The following AKAP7 variants were observed in gnomAD, a reference collection of about 807,000 sequenced individuals.
AKAP7 encodes A kinase (PRKA) anchor protein 7.
Under a neutral mutation model 39.5 loss-of-function variants are expected in AKAP7, and 39 were observed. That is an observed-to-expected ratio of 0.99 (90% CI 0.76 to 1.29). The LOEUF is 1.29. Ranked by LOEUF, AKAP7 falls within the 50% of genes most tolerant of loss-of-function variation. The probability of loss-of-function intolerance (pLI) is 0.00; values close to 1 mark genes in which losing one functional copy is unlikely to be tolerated. For missense variants in AKAP7, 414 were observed against 407.7 expected (o/e 1.02, Z -0.13); for synonymous variants, 140 against 139.1 (o/e 1.01, Z -0.05).
chr6:131,213,017 G>A (rs1172407216), intron 6 of AKAP7, among the ~76,000 whole-genome samples: 1 of 152,118 alleles, frequency 6.6e-6, no homozygotes, highest in Non-Finnish European at 1.5e-5. Context: ...CATTTGAATG[G>A]TATCTGAGGT....
At chr6:131,145,986 G>C (rs1037085468) in intron 2 of AKAP7, among the ~76,000 whole-genome samples, 1 of 152,160 alleles carries the variant, frequency 6.6e-6, no homozygotes, top group Admixed American at 6.5e-5. Context: ...TGTTGAGCCA[G>C]CTACTTCTGA....
At chr6:131,160,297 T>A in intron 3 of AKAP7, 99 bp downstream of exon 3, 1 of 1,235,854 alleles carries the variant, frequency 8.1e-7, no homozygotes, top group Non-Finnish European at 1.1e-6. Context: ...CTTTTAAGAG[T>A]ATTTGGTGGC....
chr6:131,199,654 C>T (rs1178752484), intron 6 of AKAP7, 81 bp downstream of exon 6: 4 of 1,124,532 alleles, frequency 3.6e-6, no homozygotes, highest in Non-Finnish European at 5.3e-6. Flanking sequence ...AGTGACATTG[C>T]TGTGGTCTCT....
At chr6:131,235,843 C>T (rs1420051175) in intron 7 of AKAP7, among the ~76,000 whole-genome samples, 1 of 152,104 alleles carries the variant, frequency 6.6e-6, no homozygotes, top group Admixed American at 6.5e-5. Flanking sequence ...CAAAAATTTT[C>T]TCCCATTCTG....
chr6:131,276,288 G>C (rs1814734641), intron 7 of AKAP7, among the ~76,000 whole-genome samples: 1 of 152,066 alleles, frequency 6.6e-6, no homozygotes. Flanking sequence ...GTGAGTTTTG[G>C]TTTTTGGCAA....
At chr6:131,266,013 C>G (rs1813769073) in intron 7 of AKAP7, among the ~76,000 whole-genome samples, 1 of 152,240 alleles carries the variant, frequency 6.6e-6, no homozygotes, top group South Asian at 2.1e-4. Context: ...GAGCAGGACA[C>G]TAGATCTTGG....
chr6:131,209,031 T>C (rs1037767983), intron 6 of AKAP7, among the ~76,000 whole-genome samples: 25 of 152,098 alleles, frequency 1.6e-4, no homozygotes, highest in South Asian at 2.1e-4. Flanking sequence ...GGGCAGAAAA[T>C]ATTTTGAACA....
intron 5 of AKAP7, among the ~76,000 whole-genome samples, chr6:131,195,605 T>C (rs1230846628): frequency 6.6e-6 from 1 of 152,212 alleles, no homozygotes; most frequent in Non-Finnish European, 1.5e-5. Flanking sequence ...AAACTCTCTT[T>C]AGCATTTCTT....
At chr6:131,209,802 A>C (rs1808482359) in intron 6 of AKAP7, among the ~76,000 whole-genome samples, 1 of 152,228 alleles carries the variant, frequency 6.6e-6, no homozygotes, top group South Asian at 2.1e-4. Flanking sequence ...AAAGTGGAAC[A>C]TCATGAAAAT....
intron 1 of AKAP7, 129 bp from the exon 2 acceptor site, chr6:131,145,156 C>A: frequency 1.8e-6 from 1 of 549,398 alleles, no homozygotes; most frequent in Non-Finnish European, 2.7e-6. Flanking sequence ...TATTTGAACA[C>A]AAGTAGTACA....
At chr6:131,222,307 TAAGGTC>T (rs1809771957) in intron 7 of AKAP7, among the ~76,000 whole-genome samples, 1 of 152,052 alleles carries the variant, frequency 6.6e-6, no homozygotes, top group Non-Finnish European at 1.5e-5. Context: ...GGGCGGATCA[TAAGGTC>T]AGGAGATCGA....
At chr6:131,230,125 C>G (rs1442896342) in intron 7 of AKAP7, among the ~76,000 whole-genome samples, 2 of 152,206 alleles carry the variant, frequency 1.3e-5, no homozygotes, top group Non-Finnish European at 2.9e-5. Flanking sequence ...AATGGGATTT[C>G]TGGGTTGAAT....
chr6:131,265,701 TTATGG>T (rs1229381118), intron 7 of AKAP7, among the ~76,000 whole-genome samples: 1 of 152,216 alleles, frequency 6.6e-6, no homozygotes, highest in East Asian at 1.9e-4. Context: ...TGGAACAGCA[TTATGG>T]TATAATGGCA....
chr6:131,247,555 C>T (rs1479732002), intron 7 of AKAP7, among the ~76,000 whole-genome samples: 3 of 151,436 alleles, frequency 2.0e-5, no homozygotes, highest in East Asian at 3.9e-4. Flanking sequence ...CTCCTGATCT[C>T]GTGATCCACC....
intron 1 of AKAP7, among the ~76,000 whole-genome samples, chr6:131,141,608 A>C (rs1032905619): frequency 6.6e-6 from 1 of 152,166 alleles, no homozygotes. Flanking sequence ...GGGTTAGAAG[A>C]GTTTGGAGGG....
intron 5 of AKAP7, among the ~76,000 whole-genome samples, chr6:131,186,865 T>G (rs185984195): frequency 1.1e-4 from 16 of 152,308 alleles, no homozygotes; most frequent in African/African-American, 3.4e-4. Context: ...TACCTTTACC[T>G]TGGGGATTAG....
At chr6:131,165,352 T>C in intron 4 of AKAP7, 135 bp downstream of exon 4, 1 of 612,868 alleles carries the variant, frequency 1.6e-6, no homozygotes, top group Non-Finnish European at 2.8e-6. Context: ...TAATAGTTAA[T>C]ATACAGAATA....
At chr6:131,219,301 A>C (rs1394159710) in intron 6 of AKAP7, among the ~76,000 whole-genome samples, 2 of 151,994 alleles carry the variant, frequency 1.3e-5, no homozygotes, top group Non-Finnish European at 2.9e-5. Context: ...AAAAAAAAAA[A>C]AAAAAAATTA....
intron 7 of AKAP7, among the ~76,000 whole-genome samples, chr6:131,247,591 A>T (rs553054643): frequency 6.6e-6 from 1 of 151,630 alleles, no homozygotes; most frequent in East Asian, 2.0e-4. Context: ...AAGTGCTGGG[A>T]TTACAGGCAT....
Sources: gnomAD v4.1 joint callset for allele counts (sites outside exome capture counted in the v4.1 genomes callset) on GRCh38, gnomAD v4.1.1 for gene constraint, MANE v1.5 for transcripts, NCBI Gene and HGNC (gene_info 2026-07-23, HGNC 2026-07-21) for gene names.